DYRK4: variants seen among roughly 807,000 people sequenced by gnomAD.
The protein encoded by DYRK4 is dual specificity tyrosine phosphorylation regulated kinase 4.
In DYRK4, 64 loss-of-function variants were observed where a neutral mutation model predicts 68.3. The observed-to-expected ratio is 0.94, with a 90% CI of 0.77 to 1.15. DYRK4 has a LOEUF of 1.15. Ranked by LOEUF, DYRK4 falls within the 50% of genes most tolerant of loss-of-function variation. The pLI, the probability that DYRK4 is intolerant of heterozygous loss-of-function variation, is 0.00. For missense variants in DYRK4, 740 were observed against 764.7 expected, an observed-to-expected ratio of 0.97 and a Z score of 0.38; for synonymous variants, 274 against 289.9, an observed-to-expected ratio of 0.95 and a Z score of 0.56.
At position 4,591,087 on chromosome 12, in the gene DYRK4, G is replaced by A. The variant is rs1344229191; in HGVS notation, c.325-73G>A. On this transcript the variant is annotated intron_variant, in intron 4 of 14. Coordinates refer to ENST00000543431, the MANE Select transcript of DYRK4 (RefSeq NM_001394779.1). The surrounding 1 kb of genome is among the most constrained non-coding windows in gnomAD (Gnocchi z 4.1). ...GCCTGGCTGAAGGTGGGTGTCTTTGGTTAAATAAATGGTTTATGGCCCCCA... is the reference window on the plus strand; with the variant it reads ...GCCTGGCTGAAGGTGGGTGTCTTTGATTAAATAAATGGTTTATGGCCCCCA... 5.8e-6 allele frequency: 9 copies of A among 1,541,690 alleles called. No individual in the cohort carries two copies. Among genetic ancestry groups the A allele is most frequent in the Non-Finnish European group, 7.9e-6 (9 of 1,143,626 alleles).
intron 2 of DYRK4, among the ~76,000 whole-genome samples, chr12:4,570,897 A>C (rs1944724174): frequency 6.6e-6 from 1 of 152,202 alleles, no homozygotes; most frequent in Non-Finnish European, 1.5e-5. Flanking sequence ...ACACAGGGTA[A>C]AACCTTGATG....
chr12:4,568,543 G>A (rs1012031819), intron 2 of DYRK4, among the ~76,000 whole-genome samples: 16 of 151,972 alleles, frequency 1.1e-4, no homozygotes, highest in African/African-American at 3.9e-4. Context: ...GCACCACCAC[G>A]GCTGGCTAAT....
chr12:4,567,841 G>C (rs893729410), intron 1 of DYRK4, 114 bp from the exon 2 acceptor site: 28 of 847,434 alleles, frequency 3.3e-5, no homozygotes, highest in Non-Finnish European at 4.9e-5. Context: ...CTGCTTTTAG[G>C]CCTGTTGCCT....
intron 10 of DYRK4, among the ~76,000 whole-genome samples, chr12:4,600,755 T>C (rs533771498): frequency 2.9e-4 from 44 of 152,030 alleles, no homozygotes; most frequent in African/African-American, 1.1e-3. Context: ...AACACCACGT[T>C]TCCCATACCC....
At chr12:4,587,518 C>T (rs1017678281) in intron 2 of DYRK4, among the ~76,000 whole-genome samples, 7 of 152,150 alleles carry the variant, frequency 4.6e-5, no homozygotes, top group Admixed American at 2.0e-4. Flanking sequence ...CTGTTATTGA[C>T]GATGCTAATG....
intron 8 of DYRK4, chr12:4,597,134 G>A: frequency 3.0e-5 from 32 of 1,051,374 alleles, no homozygotes; most frequent in Non-Finnish European, 3.5e-5. Context: ...GCTCAGAGTG[G>A]GAAATGGGTT....
chr12:4,577,031 C>A (rs529599651), intron 2 of DYRK4, among the ~76,000 whole-genome samples: 1 of 152,250 alleles, frequency 6.6e-6, no homozygotes, highest in East Asian at 1.9e-4. Context: ...CCATTTTTTT[C>A]CGTCATGATC....
At position 4,588,974 on chromosome 12, in the gene DYRK4, C is replaced by T; in HGVS notation, c.170C>T (p.Pro57Leu). 6.5e-7 allele frequency: 1 copy of T among 1,536,106 alleles called. No homozygotes were observed. Among genetic ancestry groups the T allele is most frequent in the Non-Finnish European group, 8.7e-7 (1 of 1,146,894 alleles). ...CTTTCGGTTCAGATCCAGAAGCCAC[C>T]TTCCAATATCAAGAACTCCAGAATG... ...SKLSVQIQKP[P>L]SNIKNSRMTQ... The change falls in exon 3 of 15, where the codon CCT becomes CTT. Residue 57 changes from proline to leucine, a missense_variant. Pro to Leu is a moderately conservative substitution (Grantham distance 98). Transcript: ENST00000543431.
rs769960503 is a variant in DYRK4 at position 4,607,330 on chromosome 12, C to G, written c.1303C>G (p.Leu435Val). 1.9e-6 allele frequency: 3 copies of G among 1,614,204 alleles called. No homozygotes were observed. The Admixed American group carries it at 5.0e-5, about 27-fold the overall frequency. Residue 435 changes from leucine (L) to valine (V), a missense_variant, in exon 12 of 15, where the codon CTG (leucine) becomes GTG (valine). This residue lies in a region of DYRK4 where 614 missense variants were observed against 603.7 expected (regional missense o/e 1.02). Coordinates refer to ENST00000543431, the MANE Select transcript of DYRK4 (RefSeq NM_001394779.1). Reference protein sequence around the residue: ...VEQLACIMEVLGLPPAGFIQT... With the variant: ...VEQLACIMEVVGLPPAGFIQT... ...CAATTGAATTATCCTTATTAAGGTG[C>G]TGGGTCTGCCGCCAGCCGGCTTCAT...
At chr12:4,609,443 C>G (rs1444540561) in intron 12 of DYRK4, among the ~76,000 whole-genome samples, 1 of 152,174 alleles carries the variant, frequency 6.6e-6, no homozygotes, top group African/African-American at 2.4e-5. Context: ...CACTTCAGTT[C>G]TTGACTGTTC....
chr12:4,590,519 A>C, intron 4 of DYRK4, 79 bp downstream of exon 4: 2 of 1,501,340 alleles, frequency 1.3e-6, no homozygotes, highest in Non-Finnish European at 1.8e-6. Context: ...AGAAAGGCCC[A>C]GGATAGTGGG....
chr12:4,596,603 C>T lies in DYRK4; in HGVS notation c.779C>T (p.Ala260Val). 1 of 1,614,000 alleles carries T rather than the reference C, an allele frequency of 6.2e-7. No individual in the cohort carries two copies. The highest frequency in any genetic ancestry group is 1.1e-5 in the South Asian group (1 of 91,040). Residue 260 changes from alanine to valine, a missense_variant, in exon 8 of 15, where the codon GCC (alanine) becomes GTC (valine). Physicochemically the swap from Ala to Val is moderately conservative, Grantham distance 64. This residue lies in a region of DYRK4 where 614 missense variants were observed against 603.7 expected (regional missense o/e 1.02). Coordinates refer to ENST00000543431, the MANE Select transcript of DYRK4 (RefSeq NM_001394779.1). ...AATCACCTTAGGTTTCACCAGCAGGCCCTGATGGAGCTGAAGATCCTGGAA... is the reference window on the plus strand; with the variant it reads ...AATCACCTTAGGTTTCACCAGCAGGTCCTGATGGAGCTGAAGATCCTGGAA... ...IRNKKRFHQQ[A>V]LMELKILEAL... is the part of the protein sequence containing the mutation.
intron 8 of DYRK4, 44 bp from the exon 9 acceptor site, chr12:4,598,984 T>C (rs3741926): frequency 6.2e-6 from 10 of 1,608,668 alleles, no homozygotes; most frequent in Non-Finnish European, 7.6e-6. Context: ...CAGCCTTATA[T>C]GTTTTTTTAC....
chr12:4,562,805 CAA>C (rs1361132625), intron 1 of DYRK4, among the ~76,000 whole-genome samples: 4 of 151,918 alleles, frequency 2.6e-5, no homozygotes, highest in African/African-American at 9.7e-5. Flanking sequence ...GCCCCTGACA[CAA>C]AAGCGCGCGA....
chr12:4,579,417 T>A (rs1415403089), intron 2 of DYRK4, among the ~76,000 whole-genome samples: 1 of 152,240 alleles, frequency 6.6e-6, no homozygotes, highest in African/African-American at 2.4e-5. Flanking sequence ...CAAAGTTTTC[T>A]TAAGCCATTG....
chr12:4,604,705 A>G (rs2137394681), intron 10 of DYRK4, among the ~76,000 whole-genome samples: 1 of 152,360 alleles, frequency 6.6e-6, no homozygotes, highest in South Asian at 2.1e-4. Context: ...CGTTATCAAT[A>G]AAGCAGGGAC....
chr12:4,602,244 T>G, intron 10 of DYRK4: 1 of 1,068,106 alleles, frequency 9.4e-7, no homozygotes, highest in South Asian at 1.2e-5. Flanking sequence ...TCCTCATTTC[T>G]AAGACCTGCT....
chr12:4,592,813 T>C, intron 5 of DYRK4, 189 bp from the exon 6 acceptor site: 1 of 601,414 alleles, frequency 1.7e-6, no homozygotes, highest in Non-Finnish European at 2.8e-6. Context: ...TTGAAATAAA[T>C]ACAAGACCTT....
rs529808589 is a variant in DYRK4 at position 4,607,825 on chromosome 12, A to C, written c.1360+438A>C. Among the ~76,000 whole-genome samples, 4 of 152,310 alleles carry C rather than the reference A, an allele frequency of 2.6e-5. No homozygotes were observed. The South Asian group carries it at 8.3e-4, about 32-fold the overall frequency. On this transcript the variant is annotated intron_variant, in intron 12 of 14. Transcript: ENST00000543431. ...CTGCATTATTGTTTCCCCTGCTAAA[A>C]TTCTTCTTATCCTCCAGACCTTACT...
Sources: allele counts gnomAD v4.1 joint callset (sites outside exome capture counted in the v4.1 genomes callset), GRCh38; gene constraint gnomAD v4.1.1; regional missense constraint gnomAD v4.1.1; non-coding constraint Gnocchi (gnomAD v3.1); transcripts MANE v1.5; gene names NCBI Gene and HGNC (gene_info 2026-07-23, HGNC 2026-07-21).